The following PTPN9 variants were observed in gnomAD, a reference collection of about 807,000 sequenced individuals.
PTPN9 encodes protein tyrosine phosphatase non-receptor type 9, also known as tyrosine-protein phosphatase non-receptor type 9.
Under a neutral mutation model 69.8 loss-of-function variants are expected in PTPN9, and 26 were observed. That is an observed-to-expected ratio of 0.37 (90% CI 0.27 to 0.52). PTPN9 has a LOEUF of 0.52. PTPN9 is among the 20% of genes least tolerant of loss of function. The pLI, the probability that PTPN9 is intolerant of heterozygous loss-of-function variation, is 0.91. For synonymous variants in PTPN9, 274 were observed against 272.5 expected, an observed-to-expected ratio of 1.01 and a Z score of -0.05; for missense variants, 549 against 740.3, an observed-to-expected ratio of 0.74 and a Z score of 3.00.
chr15:75,472,401 G>A (rs1004690127), intron 10 of PTPN9, among the ~76,000 whole-genome samples: 1 of 152,008 alleles, frequency 6.6e-6, no homozygotes, highest in Non-Finnish European at 1.5e-5. Flanking sequence ...GGCAGAGCCT[G>A]TAGTGAGCTG....
chr15:75,469,736 T>C, intron 12 of PTPN9, 56 bp downstream of exon 12: 4 of 1,570,924 alleles, frequency 2.5e-6, no homozygotes, highest in East Asian at 2.3e-5. Flanking sequence ...GCTTTGTTTT[T>C]CCTCGTCCAC....
In PTPN9 at chr15:75,507,800, T is replaced by C. The variant is rs1170289929; in HGVS notation, c.639+1117A>G. On this transcript the variant is annotated intron_variant, in intron 6 of 12. Transcript: ENST00000618819. ...TGGCTCACGCTTGTAATCCCAGCAC[T>C]TTGGGAGGCTGAGGTGGGCGGATCA... Among the ~76,000 whole-genome samples the C allele has an allele frequency of 1.3e-5, 2 of 150,908 alleles. 1 individual carries two copies. The highest frequency in any genetic ancestry group is 3.9e-4 in the East Asian group (2 of 5,096).
intron 7 of PTPN9, among the ~76,000 whole-genome samples, chr15:75,503,919 G>A (rs1371943568): frequency 5.3e-5 from 5 of 94,424 alleles, no homozygotes; most frequent in Admixed American, 1.1e-4. Context: ...TCAGCCCCCC[G>A]CCCGGCCAGC....
At chr15:75,469,024 T>G in intron 12 of PTPN9, 41 bp from the exon 13 acceptor site, 1 of 1,518,686 alleles carries the variant, frequency 6.6e-7, no homozygotes. Context: ...TTTACCTCTC[T>G]TCTCTTCCTC....
chr15:75,502,827 TA>T (rs796306937), intron 7 of PTPN9, among the ~76,000 whole-genome samples: 5 of 152,076 alleles, frequency 3.3e-5, no homozygotes, highest in African/African-American at 1.2e-4. Flanking sequence ...CTACTTTTTT[TA>T]AAAAAAACTT....
Position 75,513,743 on chromosome 15 carries a change from G to C in PTPN9, c.528+3516C>G, listed in dbSNP as rs183462948. ...GATCAGGCCATTGCGCTTCAGCCTG[G>C]GGGACAGAGAGAGACTCCATCTCAA... On this transcript the variant is annotated intron_variant, in intron 5 of 12. Transcript: ENST00000618819. Among the ~76,000 whole-genome samples the C allele has an allele frequency of 2.7e-3, 411 of 151,922 alleles. 2 individuals carry two copies. Among genetic ancestry groups the C allele is most frequent in the African/African-American group, 9.4e-3 (388 of 41,432 alleles).
chr15:75,480,584 G>A lies in PTPN9; in HGVS notation c.1063-670C>T, dbSNP rs1026535597. 7.6e-5 allele frequency: 74 copies of A among 976,320 alleles called. No individual in the cohort carries two copies. In the African/African-American group the frequency reaches 1.1e-3, roughly 14 times the overall value. 60.5% of individuals were successfully genotyped at this position (976,320 alleles called of 1,614,324 possible). On this transcript the variant is annotated intron_variant, in intron 8 of 12. Coordinates refer to ENST00000618819, the MANE Select transcript of PTPN9 (RefSeq NM_002833.4). ...ATGGTGGCCGCGGGTGGTGGTTGGC[G>A]CGGCTGCGCTGCGGCCTGGGGCAGT... is the stretch of plus-strand genomic sequence containing the variant.
intron 1 of PTPN9, among the ~76,000 whole-genome samples, chr15:75,568,369 G>A (rs960790044): frequency 6.6e-6 from 1 of 151,572 alleles, no homozygotes; most frequent in African/African-American, 2.4e-5. Context: ...GCATGGTGGT[G>A]TGGTGGTGCA....
rs532185361 is a variant in PTPN9, at chr15:75,469,750, T to C, written c.1567+42A>G. ...AGCTTTGTTTTTCCTCGTCCACCCC[T>C]ACTGCCCCTGCAGACACCAAGAGCT... is the stretch of plus-strand genomic sequence containing the variant. On this transcript the variant is annotated intron_variant, in intron 12 of 12. Coordinates refer to ENST00000618819, the MANE Select transcript of PTPN9 (RefSeq NM_002833.4). 1.7e-4 allele frequency: 275 copies of C among 1,594,560 alleles called. 3 individuals carry two copies. In the South Asian group the frequency reaches 2.0e-3, roughly 12 times the overall value.
rs371585529 is a variant in PTPN9, at chr15:75,541,729, C to T, written c.64-14468G>A. On this transcript the variant is annotated intron_variant, in intron 1 of 12. Transcript: ENST00000618819. The stretch of plus-strand genomic sequence containing the variant: ...CCTTTATTATTTTTTGTTTTTGAGA[C>T]GGAGTCTTACTCTGTCACCTAGGTT... 3.3e-4 allele frequency among the ~76,000 whole-genome samples: 50 copies of T among 151,718 alleles called. No individual in the cohort carries two copies. In the East Asian group the frequency reaches 4.0e-3, roughly 12 times the overall value.
chr15:75,463,380 CT>C lies in PTPN9; in HGVS notation c.*5388del, dbSNP rs1201189789. 1.3e-5 allele frequency: 2 copies of C among 152,160 alleles called. No individual in the cohort carries two copies. Among genetic ancestry groups the C allele is most frequent in the African/African-American group, 2.4e-5 (1 of 41,422 alleles). The allele number at this position is 152,160 out of a possible 1,614,324, so 9.4% of individuals were successfully genotyped here. A position where few individuals can be genotyped will look rare whatever the true frequency, so the allele number is the denominator to read the frequency against. ...GGTGCACATCTGGCCAGTCTTGAGGCTTTAAGACAAACTACGCAGCAGCATT... is the reference window on the plus strand; with the variant it reads ...GGTGCACATCTGGCCAGTCTTGAGGCTTAAGACAAACTACGCAGCAGCATT... On this transcript the variant is annotated 3_prime_UTR_variant, in exon 13 of 13. Transcript: ENST00000618819.
chr15:75,553,663 G>A (rs1409357213), intron 1 of PTPN9, among the ~76,000 whole-genome samples: 2 of 152,084 alleles, frequency 1.3e-5, no homozygotes, highest in East Asian at 1.9e-4. Flanking sequence ...AAATGGATCT[G>A]ACAGAGTGAC....
chr15:75,482,955 A>G (rs1477127826), intron 8 of PTPN9, among the ~76,000 whole-genome samples: 1 of 144,300 alleles, frequency 6.9e-6, no homozygotes. Flanking sequence ...ACTCTGTCTC[A>G]AAAAAAAAAA....
chr15:75,518,333 T>C (rs1231541219), intron 4 of PTPN9, among the ~76,000 whole-genome samples: 1 of 150,314 alleles, frequency 6.7e-6, no homozygotes, highest in East Asian at 2.0e-4. Context: ...GATCTTGTCT[T>C]AAGAAAAAGT....
At position 75,529,168 on chromosome 15, in the gene PTPN9, G is replaced by A. The variant is rs906932348; in HGVS notation, c.64-1907C>T. On this transcript the variant is annotated intron_variant, in intron 1 of 12. Transcript: ENST00000618819. ...CGCCTGGCTAATTTTTGTATTTTTA[G>A]TAGAGGCAAGGTTTCACCATATTGG... Among the ~76,000 whole-genome samples, 5 of 151,906 alleles carry A rather than the reference G, an allele frequency of 3.3e-5. No homozygotes were observed. In the East Asian group the frequency reaches 7.7e-4, roughly 23 times the overall value.
chr15:75,497,655 A>C (rs1027879726), intron 7 of PTPN9, among the ~76,000 whole-genome samples: 5 of 151,988 alleles, frequency 3.3e-5, no homozygotes, highest in Admixed American at 6.6e-5. Context: ...ACAAAAAATT[A>C]GCTGGGCTTG....
intron 7 of PTPN9, among the ~76,000 whole-genome samples, chr15:75,493,624 G>A (rs1368019722): frequency 6.6e-6 from 1 of 152,028 alleles, no homozygotes; most frequent in African/African-American, 2.4e-5. Context: ...GCAGGGCATG[G>A]TGGCACACGC....
chr15:75,537,039 C>T (rs760823447), intron 1 of PTPN9, among the ~76,000 whole-genome samples: 21 of 152,108 alleles, frequency 1.4e-4, no homozygotes, highest in Non-Finnish European at 1.5e-5. Context: ...GGAACTTTTA[C>T]AATTTTCTTT....
intron 8 of PTPN9, 97 bp downstream of exon 8, chr15:75,490,111 A>C: frequency 2.0e-6 from 2 of 995,390 alleles, no homozygotes; most frequent in Non-Finnish European, 3.2e-6. Context: ...CTGGCCTCGG[A>C]GTCTACTTTC....
Sources: gnomAD v4.1 joint callset for allele counts (sites outside exome capture counted in the v4.1 genomes callset) on GRCh38, gnomAD v4.1.1 for gene constraint, MANE v1.5 for transcripts, NCBI Gene and HGNC (gene_info 2026-07-23, HGNC 2026-07-21) for gene names.